DOCK1: variants seen among roughly 807,000 people sequenced by gnomAD.
DOCK1 encodes dedicator of cytokinesis protein 1.
A neutral mutation model predicts 262.7 loss-of-function variants in DOCK1; 138 were observed. That is an observed-to-expected ratio of 0.53 (90% confidence interval 0.46 to 0.61). The LOEUF (loss-of-function observed/expected upper bound fraction) is 0.61, where lower values mean the gene tolerates loss of function less well. DOCK1 is among the 20% of genes least tolerant of loss of function. DOCK1 has a pLI of 0.00. For missense variants in DOCK1, 1,908 were observed against 2,370.7 expected (o/e 0.80, Z 4.05); for synonymous variants, 866 against 867.4 (o/e 1.00, Z 0.03).
At chr10:127,149,070 G>C (rs1346440437) in intron 27 of DOCK1, among the ~76,000 whole-genome samples, 1 of 152,146 alleles carries the variant, frequency 6.6e-6, no homozygotes, top group Non-Finnish European at 1.5e-5. Flanking sequence ...TAAGGGAGAG[G>C]TGTTTTTCAG....
rs563672817 is a variant in DOCK1 at position 127,260,683 on chromosome 10, G to T, written c.3044+3254G>T. 2.7e-5 allele frequency among the ~76,000 whole-genome samples: 4 copies of T among 149,130 alleles called. No homozygotes were observed. In the East Asian group the frequency reaches 8.0e-4, roughly 30 times the overall value. On this transcript the variant is annotated intron_variant, in intron 29 of 51. Coordinates refer to ENST00000623213, the MANE Select transcript of DOCK1 (RefSeq NM_001290223.2). ...TGTGTCCCTGCATGTGTGTGCATGT[G>T]GGTGTGTGTGTACTCGTGCTCATCT...
chr10:127,316,909 C>G lies in DOCK1; in HGVS notation c.3045-22097C>G, dbSNP rs1044796763. On this transcript the variant is annotated intron_variant, in intron 29 of 51. Coordinates refer to ENST00000623213, the MANE Select transcript of DOCK1 (RefSeq NM_001290223.2). ...AAGAACAAACACCCCCTCTCCAACACTAAGAAAAATATCAGCATGGAACAT... is the reference window on the plus strand; with the variant it reads ...AAGAACAAACACCCCCTCTCCAACAGTAAGAAAAATATCAGCATGGAACAT... Among the ~76,000 whole-genome samples the G allele has an allele frequency of 4.6e-5, 7 of 152,238 alleles. 1 individual carries two copies. The highest frequency in any genetic ancestry group is 7.4e-5 in the Non-Finnish European group (5 of 68,020).
intron 3 of DOCK1, among the ~76,000 whole-genome samples, chr10:126,978,973 T>C (rs964610255): frequency 2.0e-5 from 3 of 152,154 alleles, no homozygotes; most frequent in Non-Finnish European, 4.4e-5. Flanking sequence ...GGGTGGTCCC[T>C]ATGGCAGCCA....
At chr10:127,139,696 T>G (rs2051038925) in intron 27 of DOCK1, among the ~76,000 whole-genome samples, 1 of 152,188 alleles carries the variant, frequency 6.6e-6, no homozygotes, top group African/African-American at 2.4e-5. Context: ...CTCTTCCACC[T>G]GATGCTGGTT....
chr10:126,941,541 G>T (rs1258496512), intron 1 of DOCK1, among the ~76,000 whole-genome samples: 1 of 152,268 alleles, frequency 6.6e-6, no homozygotes, highest in East Asian at 1.9e-4. Context: ...CGGATCACGA[G>T]GTCAGGAGAT....
intron 31 of DOCK1, 39 bp downstream of exon 31, chr10:127,343,785 C>T: frequency 6.8e-7 from 1 of 1,470,808 alleles, no homozygotes; most frequent in Non-Finnish European, 9.3e-7. Context: ...AGGCAGGAGC[C>T]TCCAACTCTA....
Position 127,052,782 on chromosome 10 carries a change from A to G in DOCK1, c.2303A>G (p.Lys768Arg). Residue 768 changes from lysine (K) to arginine (R), a missense_variant, in exon 22 of 52, where the codon AAG (lysine) becomes AGG (arginine). This residue lies in a region of DOCK1 where 518 missense variants were observed against 575.1 expected (regional missense o/e 0.90). Transcript: ENST00000623213. ...KAMKALESIFKFIVRSRILFN... is the reference protein window; with the variant it reads ...KAMKALESIFRFIVRSRILFN... ...ATGAAAGCGCTAGAATCCATCTTCA[A>G]GTTCATCGTGCGCTCCAGGATCCTG... The G allele has an allele frequency of 6.2e-7, 1 of 1,613,910 alleles. No individual in the cohort carries two copies. The highest frequency in any genetic ancestry group is 1.1e-5 in the South Asian group (1 of 91,060).
chr10:127,014,163 CA>C (rs112944037), intron 12 of DOCK1, among the ~76,000 whole-genome samples: 7,143 of 152,214 alleles, frequency 0.047, 566 homozygotes, highest in African/African-American at 0.16. Flanking sequence ...TCACAAGAGA[CA>C]AAAATCCTGA....
intron 24 of DOCK1, among the ~76,000 whole-genome samples, chr10:127,108,747 G>T (rs1013922982): frequency 4.6e-5 from 7 of 152,088 alleles, no homozygotes; most frequent in Non-Finnish European, 7.4e-5. Context: ...AACAATAGAC[G>T]CAGCATCTAT....
At chr10:127,205,043 G>C (rs926807923) in intron 27 of DOCK1, among the ~76,000 whole-genome samples, 1 of 151,794 alleles carries the variant, frequency 6.6e-6, no homozygotes, top group Non-Finnish European at 1.5e-5. Flanking sequence ...AACATTTATT[G>C]ATGGTTTTTT....
At chr10:127,204,943 CTGTT>C (rs2057646403) in intron 27 of DOCK1, among the ~76,000 whole-genome samples, 1 of 152,110 alleles carries the variant, frequency 6.6e-6, no homozygotes, top group Admixed American at 6.5e-5. Flanking sequence ...TGGCCTGGCT[CTGTT>C]TGATGACCAT....
At chr10:127,396,139 C>T (rs549196659) in intron 38 of DOCK1, among the ~76,000 whole-genome samples, 85 of 94,586 alleles carry the variant, frequency 9.0e-4, no homozygotes, top group African/African-American at 2.6e-3. Context: ...TAGGTCACAG[C>T]TGCAGTGATG....
chr10:127,008,937 A>G, intron 11 of DOCK1, 133 bp downstream of exon 11: 2 of 903,480 alleles, frequency 2.2e-6, no homozygotes, highest in Non-Finnish European at 3.3e-6. Context: ...AAACCTCTTT[A>G]GTCACTGCTG....
intron 43 of DOCK1, among the ~76,000 whole-genome samples, chr10:127,413,174 T>C (rs1185424159): frequency 6.6e-6 from 1 of 152,216 alleles, no homozygotes; most frequent in African/African-American, 2.4e-5. Context: ...GATATATTCT[T>C]AGACTATAAA....
chr10:127,169,555 A>G (rs553226892), intron 27 of DOCK1, among the ~76,000 whole-genome samples: 71 of 152,292 alleles, frequency 4.7e-4, no homozygotes, highest in African/African-American at 1.6e-3. Context: ...AAATCTGGCT[A>G]CCACCTGTTT....
At chr10:127,387,208 C>G (rs1464673097) in intron 38 of DOCK1, among the ~76,000 whole-genome samples, 1 of 152,224 alleles carries the variant, frequency 6.6e-6, no homozygotes, top group East Asian at 1.9e-4. Context: ...CCCTCATTCC[C>G]TCCCTTGCCC....
chr10:127,068,140 T>A (rs1404512731), intron 23 of DOCK1, among the ~76,000 whole-genome samples: 1 of 152,178 alleles, frequency 6.6e-6, no homozygotes, highest in Non-Finnish European at 1.5e-5. Flanking sequence ...GAGGCACATT[T>A]TTTGATTCCC....
intron 12 of DOCK1, among the ~76,000 whole-genome samples, chr10:127,017,875 C>T (rs2042127259): frequency 6.6e-6 from 1 of 152,200 alleles, no homozygotes. Flanking sequence ...GAATGTGTGG[C>T]TTGTTTCCTT....
chr10:126,992,749 C>G (rs1258892610), intron 6 of DOCK1, among the ~76,000 whole-genome samples: 1 of 143,810 alleles, frequency 7.0e-6, no homozygotes, highest in East Asian at 2.0e-4. Context: ...CACACACACA[C>G]ACACACACAC....
Sources: allele counts gnomAD v4.1 joint callset (sites outside exome capture counted in the v4.1 genomes callset), GRCh38; gene constraint gnomAD v4.1.1; regional missense constraint gnomAD v4.1.1; transcripts MANE v1.5; gene names NCBI Gene and HGNC (gene_info 2026-07-23, HGNC 2026-07-21).